The following THSD7A variants were observed in gnomAD, a reference collection of about 807,000 sequenced individuals.
The protein encoded by THSD7A is thrombospondin type-1 domain-containing protein 7A.
In THSD7A, 96 loss-of-function variants were observed where a neutral mutation model predicts 231.3. The ratio of observed to expected loss-of-function variants is 0.41; its 90% CI spans 0.35 to 0.49. The LOEUF (loss-of-function observed/expected upper bound fraction) is 0.49. THSD7A is among the 20% of genes least tolerant of loss of function. The pLI is 0.05. For synonymous variants in THSD7A, 940 were observed against 743.3 expected (o/e 1.26, Z -4.30); for missense variants, 2,290 against 2,070.2 (o/e 1.11, Z -2.06).
chr7:11,584,479 A>G lies in THSD7A; in HGVS notation c.1453+5981T>C, dbSNP rs576589836. On this transcript the variant is annotated intron_variant, in intron 4 of 27. Coordinates refer to ENST00000423059, the MANE Select transcript of THSD7A (RefSeq NM_015204.3). Reference sequence around the variant, plus strand: ...TATTCCAAGTGTGTGAATCTTGACTAGGTGTTATATAAAGGCTGTTTTTTC... The same window carrying G: ...TATTCCAAGTGTGTGAATCTTGACTGGGTGTTATATAAAGGCTGTTTTTTC... 3.4e-3 allele frequency among the ~76,000 whole-genome samples: 517 copies of G among 152,054 alleles called. 2 individuals are homozygous for G. Among genetic ancestry groups the G allele is most frequent in the African/African-American group, 0.012 (499 of 41,484 alleles).
chr7:11,382,630 A>T lies in THSD7A; in HGVS notation c.4412-14T>A, dbSNP rs746016980. 6.3e-6 allele frequency: 10 copies of T among 1,596,908 alleles called. No homozygotes were observed. Among genetic ancestry groups the T allele is most frequent in the Non-Finnish European group, 7.7e-6 (9 of 1,165,378 alleles). On this transcript the variant is annotated splice_polypyrimidine_tract_variant and intron_variant, in intron 23 of 27. Transcript: ENST00000423059. ...AGCACTGTCCATCTGCAGGGAAATA[A>T]TAAACATTAGCAGAAGCATTCTGTT...
chr7:11,471,500 G>T (rs1183623529), intron 8 of THSD7A, among the ~76,000 whole-genome samples: 2 of 151,806 alleles, frequency 1.3e-5, no homozygotes, highest in Non-Finnish European at 2.9e-5. Context: ...AAGTATTTAT[G>T]TAAATTTTCT....
At chr7:11,641,275 G>T (rs1225299081) in intron 1 of THSD7A, among the ~76,000 whole-genome samples, 3 of 152,062 alleles carry the variant, frequency 2.0e-5, no homozygotes, top group African/African-American at 7.2e-5. Flanking sequence ...TCCATGGTTT[G>T]AACATGCCTT....
At chr7:11,546,169 G>A (rs1465655182) in intron 4 of THSD7A, among the ~76,000 whole-genome samples, 1 of 115,246 alleles carries the variant, frequency 8.7e-6, no homozygotes, top group African/African-American at 3.4e-5. Flanking sequence ...CCACCACCCT[G>A]TTGCTGCTCT....
intron 1 of THSD7A, among the ~76,000 whole-genome samples, chr7:11,739,581 T>A (rs966125074): frequency 1.3e-5 from 2 of 151,900 alleles, no homozygotes; most frequent in Non-Finnish European, 2.9e-5. Flanking sequence ...AATTTTTTTT[T>A]AAATTTGTAT....
chr7:11,633,223 T>C (rs1781716864), intron 2 of THSD7A, among the ~76,000 whole-genome samples: 1 of 152,180 alleles, frequency 6.6e-6, no homozygotes, highest in South Asian at 2.1e-4. Context: ...CCTGGTATAC[T>C]TTCATACCAT....
Position 11,814,322 on chromosome 7 carries a change from A to C in THSD7A, c.190+17435T>G, listed in dbSNP as rs999731380. 6.6e-6 allele frequency among the ~76,000 whole-genome samples: 1 copy of C among 152,234 alleles called. No homozygotes were observed. Among genetic ancestry groups the C allele is most frequent in the South Asian group, 2.1e-4 (1 of 4,832 alleles). ...GTTAAAAGAATGGCTCTGTGATGGC[A>C]ATCCCAAGTATTCAGCACGTGACAA... is the stretch of plus-strand genomic sequence containing the variant. On this transcript the variant is annotated intron_variant, in intron 1 of 27. Coordinates refer to ENST00000423059, the MANE Select transcript of THSD7A (RefSeq NM_015204.3). This position sits in a 1 kb window ranked among gnomAD's most constrained non-coding sequence, Gnocchi z 5.1.
chr7:11,796,029 T>C lies in THSD7A; in HGVS notation c.190+35728A>G, dbSNP rs1392865601. Among the ~76,000 whole-genome samples, 5 of 125,162 alleles carry C rather than the reference T, an allele frequency of 4.0e-5. No individual in the cohort carries two copies. In the East Asian group the frequency reaches 1.2e-3, roughly 29 times the overall value. The allele number at this position is 125,162 out of a possible 152,430, so 82.1% of individuals were successfully genotyped here. A position where few individuals can be genotyped will look rare whatever the true frequency, so the allele number is the denominator to read the frequency against. ...TTTTGGTACTTCTTTGAAATTAAAT[T>C]AGCCATATATATATATATATATATA... On this transcript the variant is annotated intron_variant, in intron 1 of 27. Coordinates refer to ENST00000423059, the MANE Select transcript of THSD7A (RefSeq NM_015204.3).
chr7:11,482,820 A>G (rs1354276867), intron 6 of THSD7A, among the ~76,000 whole-genome samples: 1 of 152,168 alleles, frequency 6.6e-6, no homozygotes, highest in Non-Finnish European at 1.5e-5. Context: ...CACTTATTTA[A>G]TATTTGCTGA....
chr7:11,776,627 A>T (rs1247732544), intron 1 of THSD7A, among the ~76,000 whole-genome samples: 7 of 152,136 alleles, frequency 4.6e-5, no homozygotes, highest in African/African-American at 1.7e-4. Flanking sequence ...TAAAACTTGA[A>T]TTTTGTCATT....
At chr7:11,378,528 T>A (rs749205502) in intron 26 of THSD7A, among the ~76,000 whole-genome samples, 24 of 152,228 alleles carry the variant, frequency 1.6e-4, no homozygotes, top group Non-Finnish European at 3.4e-4. Flanking sequence ...GAAGGCTCCA[T>A]TGTCTCCCTG....
At chr7:11,603,160 T>G (rs530257648) in intron 2 of THSD7A, among the ~76,000 whole-genome samples, 2 of 151,412 alleles carry the variant, frequency 1.3e-5, no homozygotes, top group Non-Finnish European at 2.9e-5. Context: ...GAATCTACAA[T>G]GAACTCAAAC....
At chr7:11,812,189 C>G (rs1452471935) in intron 1 of THSD7A, among the ~76,000 whole-genome samples, 1 of 150,430 alleles carries the variant, frequency 6.6e-6, no homozygotes, top group Non-Finnish European at 1.5e-5. Context: ...GTGCCCCTGT[C>G]AGGTTTTTTG....
At chr7:11,470,036 C>G (rs757117350) in intron 8 of THSD7A, 42 bp from the exon 9 acceptor site, 2 of 1,287,474 alleles carry the variant, frequency 1.6e-6, no homozygotes, top group Non-Finnish European at 2.2e-6. Context: ...AATAGTAAAG[C>G]AGAAAATCAG....
At chr7:11,461,898 C>G in intron 10 of THSD7A, 113 bp downstream of exon 10, 2 of 1,348,962 alleles carry the variant, frequency 1.5e-6, no homozygotes, top group Admixed American at 4.2e-5. Flanking sequence ...CATCCCAACT[C>G]CATTGAGCCT....
chr7:11,675,774 T>A (rs1413915097), intron 1 of THSD7A, among the ~76,000 whole-genome samples: 2 of 152,126 alleles, frequency 1.3e-5, no homozygotes, highest in Non-Finnish European at 2.9e-5. Context: ...GTAAGGGGCT[T>A]ATAGATAAAA....
At chr7:11,742,865 T>C (rs1440205700) in intron 1 of THSD7A, among the ~76,000 whole-genome samples, 3 of 151,902 alleles carry the variant, frequency 2.0e-5, no homozygotes, top group African/African-American at 7.2e-5. Context: ...TTAATGGCTG[T>C]CTTTTGTGGC....
At chr7:11,505,554 T>C (rs2128311671) in intron 6 of THSD7A, among the ~76,000 whole-genome samples, 1 of 151,754 alleles carries the variant, frequency 6.6e-6, no homozygotes, top group Non-Finnish European at 1.5e-5. Context: ...GATAGAAACA[T>C]CTAAATTAAA....
intron 1 of THSD7A, among the ~76,000 whole-genome samples, chr7:11,729,920 A>AG (rs1232871588): frequency 6.6e-6 from 1 of 151,700 alleles, no homozygotes; most frequent in Non-Finnish European, 1.5e-5. Context: ...CTTAAAGTTC[A>AG]GAAAAAAAAG....
Sources: gnomAD v4.1 joint callset for allele counts (sites outside exome capture counted in the v4.1 genomes callset) on GRCh38, gnomAD v4.1.1 for gene constraint, Gnocchi (gnomAD v3.1) non-coding constraint, MANE v1.5 for transcripts, NCBI Gene and HGNC (gene_info 2026-07-23, HGNC 2026-07-21) for gene names.